The following PDE1C variants were observed in gnomAD, a reference collection of about 807,000 sequenced individuals.
PDE1C encodes phosphodiesterase 1C.
PDE1C carries 62 observed loss-of-function variants against 93.1 expected under a neutral mutation model. That is an observed-to-expected ratio of 0.67 (90% CI 0.54 to 0.82). PDE1C has a LOEUF of 0.82. PDE1C is among the 40% of genes least tolerant of loss of function. The pLI, the probability that PDE1C is intolerant of heterozygous loss-of-function variation, is 0.00. For synonymous variants in PDE1C, 325 were observed against 310.1 expected (o/e 1.05, Z -0.50); for missense variants, 742 against 884.6 (o/e 0.84, Z 2.04).
the PDE1C span, among the ~76,000 whole-genome samples, chr7:31,697,389 G>A: frequency 6.6e-6 from 1 of 152,224 alleles, no homozygotes; most frequent in Non-Finnish European, 1.5e-5. Context: ...GAATAGAAAT[G>A]TCAGTGGGTC....
the PDE1C span, among the ~76,000 whole-genome samples, chr7:31,728,837 G>C: frequency 1.3e-5 from 2 of 152,328 alleles, no homozygotes; most frequent in East Asian, 3.9e-4. Context: ...ATTTAGCAAA[G>C]AAAGAGAGTA....
chr7:31,716,434 C>G, the PDE1C span, among the ~76,000 whole-genome samples: 1 of 152,056 alleles, frequency 6.6e-6, no homozygotes, highest in Non-Finnish European at 1.5e-5. Context: ...ACACCAGACC[C>G]ACAATAATAT....
the PDE1C span, among the ~76,000 whole-genome samples, chr7:31,617,783 AAAGATAAAATGAAAATG>A: frequency 6.6e-6 from 1 of 152,136 alleles, no homozygotes; most frequent in African/African-American, 2.4e-5. Flanking sequence ...TGAAGATAAT[AAAGATAAAATGAAAATG>A]AAGATAAAAT....
intron 1 of PDE1C, among the ~76,000 whole-genome samples, chr7:32,062,495 TA>T: frequency 6.6e-6 from 1 of 152,266 alleles, no homozygotes; most frequent in African/African-American, 2.4e-5. Flanking sequence ...TCCCAGGCCT[TA>T]AATGCCTAGA....
rs1041770169 is a variant in PDE1C, at chr7:31,828,278, C to A, written c.1285+14G>T. The A allele has an allele frequency of 2.5e-6, 4 of 1,607,614 alleles. No individual in the cohort carries two copies. The highest frequency in any genetic ancestry group is 2.2e-5 in the East Asian group (1 of 44,746). ...TGCTTTGGTGCTTCTATCCAAAGAG[C>A]TGCAAACACGTACCTACTTGTGACT... On this transcript the variant is annotated intron_variant, in intron 12 of 17. Transcript: ENST00000396191.
chr7:32,116,696 G>A (rs974920248), intron 3 of PDE1C, among the ~76,000 whole-genome samples: 9 of 152,196 alleles, frequency 5.9e-5, no homozygotes, highest in Non-Finnish European at 7.3e-5. Context: ...TGAGGAAGCA[G>A]TGAGCTAGAG....
chr7:31,941,805 T>C (rs867681612), intron 2 of PDE1C, among the ~76,000 whole-genome samples: 22 of 152,292 alleles, frequency 1.4e-4, no homozygotes, highest in African/African-American at 5.3e-4. Flanking sequence ...AGTTTGTCAC[T>C]TGTGATATTA....
At chr7:32,055,316 GCA>G (rs1314378885) in intron 1 of PDE1C, among the ~76,000 whole-genome samples, 1 of 152,112 alleles carries the variant, frequency 6.6e-6, no homozygotes, top group Non-Finnish European at 1.5e-5. Flanking sequence ...CATTTGTTGA[GCA>G]CCTCCTCTGT....
chr7:32,376,223 T>C (rs895458358), intron 1 of PDE1C, among the ~76,000 whole-genome samples: 1 of 152,096 alleles, frequency 6.6e-6, no homozygotes, highest in Non-Finnish European at 1.5e-5. Context: ...CACGTAGTTC[T>C]GCTTACCAGC....
intron 1 of PDE1C, among the ~76,000 whole-genome samples, chr7:32,214,928 G>A (rs1298428537): frequency 6.6e-6 from 1 of 152,102 alleles, no homozygotes; most frequent in Non-Finnish European, 1.5e-5. Context: ...GGCAAACTGT[G>A]CCTGTCAATC....
chr7:31,898,322 C>T (rs1014303309), intron 2 of PDE1C, among the ~76,000 whole-genome samples: 1 of 151,924 alleles, frequency 6.6e-6, no homozygotes, highest in Non-Finnish European at 1.5e-5. Context: ...CAACTATTAA[C>T]ATAAAATGTT....
chr7:31,773,732 G>A (rs540122988), intron 17 of PDE1C, among the ~76,000 whole-genome samples: 7 of 152,056 alleles, frequency 4.6e-5, no homozygotes, highest in South Asian at 4.1e-4. Context: ...GCTCACTCAC[G>A]CACCACGTAC....
At chr7:31,881,666 G>A (rs1432441874) in intron 2 of PDE1C, among the ~76,000 whole-genome samples, 3 of 152,176 alleles carry the variant, frequency 2.0e-5, no homozygotes, top group Non-Finnish European at 4.4e-5. Flanking sequence ...AAAGAGTAGA[G>A]ACTTTGAAGA....
chr7:32,011,286 G>A (rs149679527), intron 2 of PDE1C, among the ~76,000 whole-genome samples: 1,700 of 151,850 alleles, frequency 0.011, 25 homozygotes, highest in South Asian at 0.049. Context: ...TCCACCTCCC[G>A]GGTTCACGCC....
intron 1 of PDE1C, among the ~76,000 whole-genome samples, chr7:32,373,089 C>G (rs1488500236): frequency 6.6e-6 from 1 of 152,194 alleles, no homozygotes; most frequent in Non-Finnish European, 1.5e-5. Flanking sequence ...TACCATGTGA[C>G]CCAGCAATTT....
intron 2 of PDE1C, among the ~76,000 whole-genome samples, chr7:31,897,506 G>A (rs960109943): frequency 2.6e-5 from 4 of 152,044 alleles, no homozygotes; most frequent in African/African-American, 9.7e-5. Context: ...ATTACATTAT[G>A]AACCTATGAT....
chr7:32,037,522 A>G (rs903428585), intron 2 of PDE1C, among the ~76,000 whole-genome samples: 6 of 152,184 alleles, frequency 3.9e-5, no homozygotes, highest in Non-Finnish European at 5.9e-5. Flanking sequence ...TAAAACACCC[A>G]TACCACCTTT....
the PDE1C span, among the ~76,000 whole-genome samples, chr7:31,617,571 CCTGATTAGTCT>C: frequency 6.6e-6 from 1 of 151,994 alleles, no homozygotes; most frequent in Non-Finnish European, 1.5e-5. Context: ...GAAAATACAT[CCTGATTAGTCT>C]CTTCCATTAA....
chr7:31,682,649 A>G, the PDE1C span, among the ~76,000 whole-genome samples: 1 of 152,194 alleles, frequency 6.6e-6, no homozygotes, highest in Non-Finnish European at 1.5e-5. Context: ...ATTAAAACTT[A>G]TGTGCACACC....
Sources: gnomAD v4.1 joint callset for allele counts (sites outside exome capture counted in the v4.1 genomes callset) on GRCh38, gnomAD v4.1.1 for gene constraint, MANE v1.5 for transcripts, NCBI Gene and HGNC (gene_info 2026-07-23, HGNC 2026-07-21) for gene names.